ANO3: variants seen among roughly 807,000 people sequenced by gnomAD.
The protein encoded by ANO3 is anoctamin-3.
ANO3 carries 99 observed loss-of-function variants against 144.8 expected under a neutral mutation model. The observed-to-expected ratio is 0.68, with a 90% CI of 0.58 to 0.81. The LOEUF is 0.81. Among genes scored for constraint, ANO3 ranks in the 30% least tolerant of loss-of-function variants. ANO3 has a pLI of 0.00. For synonymous variants in ANO3, 414 were observed against 392.6 expected (o/e 1.05, Z -0.64); for missense variants, 905 against 1,202.2 (o/e 0.75, Z 3.66).
intron 5 of ANO3, among the ~76,000 whole-genome samples, chr11:26,510,132 C>CA (rs67543168): frequency 1.0e-3 from 48 of 46,552 alleles, no homozygotes; most frequent in Non-Finnish European, 1.3e-3. Context: ...GACTCCATCT[C>CA]AAAAAAAAAA....
upstream of ANO3, among the ~76,000 whole-genome samples, chr11:26,307,677 T>C (rs1468714983): frequency 3.3e-5 from 5 of 150,724 alleles, no homozygotes; most frequent in Admixed American, 6.6e-5. Flanking sequence ...AGAGATGTCA[T>C]CACTGCACTG....
At chr11:26,359,638 C>G (rs953137954) in intron 1 of ANO3, among the ~76,000 whole-genome samples, 3 of 151,982 alleles carry the variant, frequency 2.0e-5, no homozygotes, top group African/African-American at 7.2e-5. Flanking sequence ...TTCTCTGTCT[C>G]CTCTACCCAG....
chr11:26,354,947 A>G lies in ANO3; in HGVS notation c.46+22626A>G, dbSNP rs185297082. Among the ~76,000 whole-genome samples, 9 of 152,072 alleles carry G rather than the reference A, an allele frequency of 5.9e-5. No individual in the cohort carries two copies. The East Asian group carries it at 1.7e-3, about 29-fold the overall frequency. ...CTTCCATAATTTGTTTTAGTGTTCA[A>G]AAGCAATTTACTAAAGGCCTAGCAA... is the stretch of plus-strand genomic sequence containing the variant. On this transcript the variant is annotated intron_variant, in intron 1 of 26. Coordinates refer to ENST00000256737, the MANE Select transcript of ANO3 (RefSeq NM_031418.4).
exon 1 of ANO3, among the ~76,000 whole-genome samples, chr11:26,188,842 A>G (rs1377365569): frequency 1.3e-5 from 2 of 152,106 alleles, no homozygotes; most frequent in South Asian, 4.1e-4. Context: ...AGCCTTGCCT[A>G]TGTCTTCACT....
intron 1 of ANO3, among the ~76,000 whole-genome samples, chr11:26,338,526 C>A (rs943118938): frequency 6.6e-6 from 1 of 152,176 alleles, no homozygotes; most frequent in Non-Finnish European, 1.5e-5. Context: ...CCCCAGCCAG[C>A]AGCAGCAACC....
intron 1 of ANO3, among the ~76,000 whole-genome samples, chr11:26,274,399 T>G (rs942121422): frequency 2.0e-5 from 3 of 152,154 alleles, no homozygotes; most frequent in Non-Finnish European, 2.9e-5. Context: ...TGTATGTTTA[T>G]GTTGTCCCTA....
At chr11:26,570,502 A>C (rs140725615) in intron 14 of ANO3, among the ~76,000 whole-genome samples, 21 of 152,284 alleles carry the variant, frequency 1.4e-4, no homozygotes, top group African/African-American at 5.1e-4. Context: ...TAATTAACCC[A>C]TATAAGGGCA....
chr11:26,387,130 ATT>A (rs372622053), intron 1 of ANO3, among the ~76,000 whole-genome samples: 7 of 128,368 alleles, frequency 5.5e-5, no homozygotes, highest in Non-Finnish European at 1.7e-5. Flanking sequence ...CAAATGTAGT[ATT>A]TTTTTTTTTT....
intron 17 of ANO3, among the ~76,000 whole-genome samples, chr11:26,620,319 A>G (rs1313915199): frequency 6.6e-6 from 1 of 152,228 alleles, no homozygotes; most frequent in African/African-American, 2.4e-5. Context: ...TCTCATGATT[A>G]AAGGGTAACT....
chr11:26,228,488 T>C (rs1434374595), intron 1 of ANO3, among the ~76,000 whole-genome samples: 4 of 152,242 alleles, frequency 2.6e-5, no homozygotes, highest in East Asian at 3.8e-4. Context: ...ATAAGTTTTA[T>C]GGTATGTAAT....
At chr11:26,564,598 C>G (rs1850442973) in intron 14 of ANO3, among the ~76,000 whole-genome samples, 1 of 145,350 alleles carries the variant, frequency 6.9e-6, no homozygotes, top group Admixed American at 6.9e-5. Context: ...TAAAAATGTC[C>G]ACATAATAAA....
intron 17 of ANO3, among the ~76,000 whole-genome samples, chr11:26,605,129 T>G (rs1020070083): frequency 4.6e-5 from 7 of 152,324 alleles, no homozygotes; most frequent in Admixed American, 1.3e-4. Flanking sequence ...CCTGAAGGGA[T>G]ATTGAATTTT....
intron 1 of ANO3, among the ~76,000 whole-genome samples, chr11:26,347,221 G>A (rs184468675): frequency 6.6e-6 from 1 of 152,220 alleles, no homozygotes; most frequent in Non-Finnish European, 1.5e-5. Flanking sequence ...GTTGCCATGG[G>A]GATTAAATAT....
chr11:26,449,302 A>G lies in ANO3; in HGVS notation c.313+5466A>G, dbSNP rs114328267. 3.5e-3 allele frequency among the ~76,000 whole-genome samples: 536 copies of G among 152,244 alleles called. 2 individuals carry two copies. Among genetic ancestry groups the G allele is most frequent in the African/African-American group, 0.013 (520 of 41,560 alleles). On this transcript the variant is annotated intron_variant, in intron 3 of 26. Coordinates refer to ENST00000256737, the MANE Select transcript of ANO3 (RefSeq NM_031418.4). ...TTACCTAAAGTTATTTATTTAGGTT[A>G]TTCACCCCAATTCTGTGTTTCCAGA...
At chr11:26,635,446 T>C (rs1459965695) in intron 20 of ANO3, among the ~76,000 whole-genome samples, 2 of 152,184 alleles carry the variant, frequency 1.3e-5, no homozygotes, top group South Asian at 2.1e-4. Context: ...CAACATGTAA[T>C]TATATAAAAG....
At chr11:26,480,012 TAG>T (rs774060082) in intron 4 of ANO3, among the ~76,000 whole-genome samples, 19 of 152,074 alleles carry the variant, frequency 1.2e-4, no homozygotes, top group Non-Finnish European at 2.6e-4. Flanking sequence ...AGCAAAGATA[TAG>T]AGTTTGGACT....
At chr11:26,608,849 C>A (rs76664052) in intron 17 of ANO3, among the ~76,000 whole-genome samples, 4,674 of 152,262 alleles carry the variant, frequency 0.031, 104 homozygotes, top group Non-Finnish European at 0.049. Context: ...TGCCATCTTC[C>A]CCTGCCCAGG....
chr11:26,261,834 G>A (rs1329134039), intron 1 of ANO3, among the ~76,000 whole-genome samples: 1 of 152,176 alleles, frequency 6.6e-6, no homozygotes, highest in African/African-American at 2.4e-5. Context: ...TTGACATATA[G>A]TTGTATTCTG....
chr11:26,483,690 G>T (rs1009947830), intron 4 of ANO3, among the ~76,000 whole-genome samples: 1 of 152,110 alleles, frequency 6.6e-6, no homozygotes, highest in African/African-American at 2.4e-5. Flanking sequence ...TTATAGCAAT[G>T]CAAGAATGAA....
Sources: allele counts gnomAD v4.1 joint callset (sites outside exome capture counted in the v4.1 genomes callset), GRCh38; gene constraint gnomAD v4.1.1; transcripts MANE v1.5; gene names NCBI Gene and HGNC (gene_info 2026-07-23, HGNC 2026-07-21).